The following CACNA2D3 variants were observed in gnomAD, a reference collection of about 807,000 sequenced individuals.
The protein encoded by CACNA2D3 is calcium voltage-gated channel auxiliary subunit alpha2delta 3.
A neutral mutation model predicts 160.6 loss-of-function variants in CACNA2D3; 60 were observed. The ratio of observed to expected loss-of-function variants is 0.37; its 90% CI spans 0.30 to 0.46. The LOEUF is 0.46. Among genes scored for constraint, CACNA2D3 ranks in the 20% least tolerant of loss-of-function variants. The probability of loss-of-function intolerance (pLI) is 1.00; values close to 1 mark genes in which losing one functional copy is unlikely to be tolerated. For missense variants in CACNA2D3, 1,205 were observed against 1,365.0 expected, an observed-to-expected ratio of 0.88 and a Z score of 1.85; for synonymous variants, 558 against 492.9, an observed-to-expected ratio of 1.13 and a Z score of -1.75.
At chr3:54,193,264 T>C (rs1161105292) in intron 2 of CACNA2D3, among the ~76,000 whole-genome samples, 2 of 152,138 alleles carry the variant, frequency 1.3e-5, no homozygotes, top group African/African-American at 2.4e-5. Context: ...TGTGGGATGA[T>C]TGAGGCTGCT....
chr3:54,383,136 CT>C (rs1349873325), intron 3 of CACNA2D3, among the ~76,000 whole-genome samples: 6 of 152,178 alleles, frequency 3.9e-5, no homozygotes, highest in Non-Finnish European at 5.9e-5. Flanking sequence ...CACACCCAGC[CT>C]GTTTTAGGTA....
chr3:54,936,492 G>GA (rs2106970414), intron 27 of CACNA2D3, among the ~76,000 whole-genome samples: 1 of 152,248 alleles, frequency 6.6e-6, no homozygotes, highest in South Asian at 2.1e-4. Context: ...TTTCATGTGG[G>GA]ATGTTTGTTA....
intron 27 of CACNA2D3, among the ~76,000 whole-genome samples, chr3:54,920,379 T>A (rs1559629766): frequency 6.6e-6 from 1 of 151,994 alleles, no homozygotes; most frequent in Non-Finnish European, 1.5e-5. Flanking sequence ...CCATGTCCTT[T>A]TTGTTGCCAC....
intron 9 of CACNA2D3, among the ~76,000 whole-genome samples, chr3:54,598,307 CAA>C (rs10656534): frequency 4.0e-5 from 2 of 49,846 alleles, no homozygotes; most frequent in Non-Finnish European, 6.7e-5. Flanking sequence ...CTCCGTCTCA[CAA>C]AAAAAAAAAA....
rs377267211 is a variant in CACNA2D3, at chr3:54,569,987, G to C, written c.771G>C (p.Val257=). Residue 257 remains valine (V), a synonymous_variant, in exon 8 of 38, where the codon GTG becomes GTC. Transcript: ENST00000474759. Reference sequence around the variant, plus strand: ...AGGCAGCAACTTCTCCGAAAGACGTGGTCATTTTAGTTGACGTCAGTGGCA... The same window carrying C: ...AGGCAGCAACTTCTCCGAAAGACGTCGTCATTTTAGTTGACGTCAGTGGCA... ...YIQAATSPKD[V]VILVDVSGSM... is the part of the protein sequence containing the mutation. 2.7e-5 allele frequency: 43 copies of C among 1,613,814 alleles called. No homozygotes were observed. Among genetic ancestry groups the C allele is most frequent in the East Asian group, 1.3e-4 (6 of 44,896 alleles).
At chr3:54,348,007 C>T (rs974217530) in intron 3 of CACNA2D3, among the ~76,000 whole-genome samples, 1 of 152,118 alleles carries the variant, frequency 6.6e-6, no homozygotes, top group African/African-American at 2.4e-5. Flanking sequence ...TTATTTGACT[C>T]CTATGTATGT....
chr3:55,035,964 C>T lies in CACNA2D3; in HGVS notation c.2987+17647C>T, dbSNP rs113259414. On this transcript the variant is annotated intron_variant, in intron 35 of 37. Transcript: ENST00000474759. Reference sequence around the variant, plus strand: ...ATTCAAGAGAAAGGTCTTGAATACACGTTAACTTGAATTCTCCATGCCCCT... The same window carrying T: ...ATTCAAGAGAAAGGTCTTGAATACATGTTAACTTGAATTCTCCATGCCCCT... Among the ~76,000 whole-genome samples, 31 of 152,300 alleles carry T rather than the reference C, an allele frequency of 2.0e-4. No individual in the cohort carries two copies. In the East Asian group the frequency reaches 2.5e-3, roughly 12 times the overall value.
At chr3:54,350,741 C>G (rs577208948) in intron 3 of CACNA2D3, among the ~76,000 whole-genome samples, 1 of 152,292 alleles carries the variant, frequency 6.6e-6, no homozygotes, top group South Asian at 2.1e-4. Context: ...CTCGAAGCAT[C>G]AACCTTGTAA....
At chr3:54,413,393 T>C (rs1007000909) in intron 4 of CACNA2D3, among the ~76,000 whole-genome samples, 1 of 144,346 alleles carries the variant, frequency 6.9e-6, no homozygotes, top group Non-Finnish European at 1.5e-5. Context: ...GATGCATATA[T>C]ATATCTATAT....
chr3:54,699,019 C>T (rs922459136), intron 11 of CACNA2D3, among the ~76,000 whole-genome samples: 3 of 152,092 alleles, frequency 2.0e-5, no homozygotes, highest in East Asian at 3.9e-4. Flanking sequence ...GTGTAATTAC[C>T]GTTATTATTT....
intron 2 of CACNA2D3, among the ~76,000 whole-genome samples, chr3:54,202,475 C>G (rs372482317): frequency 5.3e-5 from 8 of 152,222 alleles, no homozygotes; most frequent in African/African-American, 1.7e-4. Flanking sequence ...AGTTGCTTCC[C>G]CATTCCTTAT....
At chr3:54,860,157 T>G (rs944557131) in intron 17 of CACNA2D3, among the ~76,000 whole-genome samples, 3 of 152,150 alleles carry the variant, frequency 2.0e-5, no homozygotes, top group African/African-American at 7.2e-5. Flanking sequence ...TAAGCTGGAT[T>G]CCTTGGGAAT....
chr3:54,493,657 A>G (rs542565402), intron 4 of CACNA2D3, among the ~76,000 whole-genome samples: 2 of 152,324 alleles, frequency 1.3e-5, no homozygotes, highest in African/African-American at 4.8e-5. Context: ...AGCCTCGTGC[A>G]TCTTTGCTGA....
intron 18 of CACNA2D3, among the ~76,000 whole-genome samples, chr3:54,878,083 C>A (rs1699705915): frequency 6.6e-6 from 1 of 152,148 alleles, no homozygotes; most frequent in South Asian, 2.1e-4. Flanking sequence ...GATGAGAATG[C>A]AAACCCAAAT....
intron 27 of CACNA2D3, among the ~76,000 whole-genome samples, chr3:54,921,556 C>CAGA (rs1392821758): frequency 6.6e-6 from 1 of 152,074 alleles, no homozygotes; most frequent in African/African-American, 2.4e-5. Flanking sequence ...ACTAAATTTT[C>CAGA]CCACTTTTTG....
chr3:54,334,670 G>A (rs1025865115), intron 3 of CACNA2D3, among the ~76,000 whole-genome samples: 42 of 152,182 alleles, frequency 2.8e-4, no homozygotes, highest in African/African-American at 9.7e-4. Context: ...CAGGTCACAC[G>A]CTCCCTCCTT....
intron 29 of CACNA2D3, among the ~76,000 whole-genome samples, chr3:54,979,379 A>G (rs372131891): frequency 6.6e-6 from 1 of 152,256 alleles, no homozygotes; most frequent in African/African-American, 2.4e-5. Flanking sequence ...TCCTATTACA[A>G]TAGAAAAGAG....
chr3:54,531,061 A>T (rs992863773), intron 5 of CACNA2D3, among the ~76,000 whole-genome samples: 4 of 152,260 alleles, frequency 2.6e-5, no homozygotes, highest in African/African-American at 9.6e-5. Flanking sequence ...AAGAGCCTGC[A>T]GAAACTTGAG....
chr3:54,695,178 C>T (rs1182414245), intron 11 of CACNA2D3, among the ~76,000 whole-genome samples: 1 of 152,022 alleles, frequency 6.6e-6, no homozygotes, highest in Non-Finnish European at 1.5e-5. Flanking sequence ...CCACCATGCG[C>T]AGCTAATTTT....
Sources: allele counts gnomAD v4.1 joint callset (sites outside exome capture counted in the v4.1 genomes callset), GRCh38; gene constraint gnomAD v4.1.1; transcripts MANE v1.5; gene names NCBI Gene and HGNC (gene_info 2026-07-23, HGNC 2026-07-21).